Variants in KCNMA1 observed in about 807,000 individuals in gnomAD.
The protein encoded by KCNMA1 is potassium calcium-activated channel subfamily M alpha 1.
Under a neutral mutation model 140.0 loss-of-function variants are expected in KCNMA1, and 29 were observed. The ratio of observed to expected loss-of-function variants is 0.21; its 90% confidence interval spans 0.15 to 0.28. The LOEUF is 0.28. KCNMA1 is among the 10% of genes least tolerant of loss of function. The pLI is 1.00. For synonymous variants in KCNMA1, 612 were observed against 611.9 expected, an observed-to-expected ratio of 1.00 and a Z score of 0.00; for missense variants, 880 against 1,602.2, an observed-to-expected ratio of 0.55 and a Z score of 7.70.
At chr10:77,286,169 T>G (rs1300317876) in intron 2 of KCNMA1, among the ~76,000 whole-genome samples, 1 of 152,194 alleles carries the variant, frequency 6.6e-6, no homozygotes, top group Non-Finnish European at 1.5e-5. Flanking sequence ...AAATTGAACT[T>G]TATTTCACTA....
chr10:77,464,419 A>G (rs992786841), intron 1 of KCNMA1, among the ~76,000 whole-genome samples: 1 of 152,048 alleles, frequency 6.6e-6, no homozygotes, highest in Non-Finnish European at 1.5e-5. Context: ...CAGGAAGAAG[A>G]CTTCTTAATG....
At chr10:77,393,294 C>T (rs1208501261) in intron 2 of KCNMA1, among the ~76,000 whole-genome samples, 1 of 152,024 alleles carries the variant, frequency 6.6e-6, no homozygotes, top group East Asian at 1.9e-4. Context: ...CTACCCCTGC[C>T]CCAGAAAAGG....
rs535114719 is a variant in KCNMA1 at position 77,012,327 on chromosome 10, C to T, written c.2016-284G>A. ...ATGTGACACACTGTGTCTGCTCATT[C>T]GTCTTTCATTTTTGAGAACAGCCTT... On this transcript the variant is annotated intron_variant, in intron 17 of 27. Transcript: ENST00000286628. 16 of 1,465,186 alleles carry T rather than the reference C, an allele frequency of 1.1e-5. No individual in the cohort carries two copies. The East Asian group carries it at 1.7e-4, about 16-fold the overall frequency. The allele number at this position is 1,465,186 out of a possible 1,614,324, so 90.8% of individuals were successfully genotyped here. A position where few individuals can be genotyped will look rare whatever the true frequency, so the allele number is the denominator to read the frequency against.
chr10:77,488,822 C>T (rs921718155), intron 1 of KCNMA1, among the ~76,000 whole-genome samples: 11 of 152,228 alleles, frequency 7.2e-5, no homozygotes, highest in African/African-American at 2.7e-4. Context: ...GTTGCCACAA[C>T]TTCTCCAGAC....
chr10:77,549,068 A>G (rs1228075033), intron 1 of KCNMA1, among the ~76,000 whole-genome samples: 1 of 152,252 alleles, frequency 6.6e-6, no homozygotes, highest in African/African-American at 2.4e-5. Flanking sequence ...CCTGCTGGGA[A>G]CACATCACTG....
At chr10:77,176,521 C>G (rs2098752734) in intron 5 of KCNMA1, among the ~76,000 whole-genome samples, 1 of 152,076 alleles carries the variant, frequency 6.6e-6, no homozygotes, top group Non-Finnish European at 1.5e-5. Context: ...TTCAATAAGG[C>G]TCTCCCCAAC....
intron 6 of KCNMA1, among the ~76,000 whole-genome samples, chr10:77,119,181 C>T (rs1343149432): frequency 6.6e-6 from 1 of 152,170 alleles, no homozygotes; most frequent in African/African-American, 2.4e-5. Context: ...CACCAGGGAT[C>T]CCACAGCCAC....
At chr10:77,170,798 T>C (rs1162603924) in intron 5 of KCNMA1, among the ~76,000 whole-genome samples, 1 of 152,222 alleles carries the variant, frequency 6.6e-6, no homozygotes, top group Admixed American at 6.5e-5. Context: ...TGCTCATTCT[T>C]ACTAGTAACC....
chr10:77,550,923 G>A (rs1603635405), intron 1 of KCNMA1, among the ~76,000 whole-genome samples: 1 of 152,122 alleles, frequency 6.6e-6, no homozygotes, highest in Non-Finnish European at 1.5e-5. Context: ...TTGGAGTCAG[G>A]GGCATACAAA....
chr10:77,504,470 C>T (rs2045096356), intron 1 of KCNMA1, among the ~76,000 whole-genome samples: 1 of 152,138 alleles, frequency 6.6e-6, no homozygotes, highest in African/African-American at 2.4e-5. Context: ...CCCATGACAG[C>T]CCTGAAGGCA....
chr10:77,461,849 T>C (rs919165301), intron 1 of KCNMA1, among the ~76,000 whole-genome samples: 17 of 152,170 alleles, frequency 1.1e-4, no homozygotes, highest in African/African-American at 3.6e-4. Flanking sequence ...CTCACAGATC[T>C]TCCCCAGGGG....
At chr10:76,916,142 T>C (rs1246755522) in intron 23 of KCNMA1, among the ~76,000 whole-genome samples, 3 of 152,218 alleles carry the variant, frequency 2.0e-5, no homozygotes, top group Non-Finnish European at 4.4e-5. Flanking sequence ...GGAGTTTACT[T>C]GCATCTAAAT....
chr10:77,314,960 ACACACACG>A (rs1388982151), intron 2 of KCNMA1, among the ~76,000 whole-genome samples: 4 of 126,820 alleles, frequency 3.2e-5, no homozygotes, highest in Non-Finnish European at 7.0e-5. Flanking sequence ...ACACACACAC[ACACACACG>A]AAGCAATGTT....
chr10:77,636,783 G>C, intron 1 of KCNMA1: 1 of 1,456,516 alleles, frequency 6.9e-7, no homozygotes, highest in Non-Finnish European at 9.0e-7. Flanking sequence ...CCTTCTTTCT[G>C]ACCCCACGAA....
intron 1 of KCNMA1, among the ~76,000 whole-genome samples, chr10:77,528,550 A>T (rs2056601047): frequency 6.6e-6 from 1 of 151,388 alleles, no homozygotes. Context: ...CAGAGGTTGC[A>T]GTGAGCTGAG....
intron 2 of KCNMA1, among the ~76,000 whole-genome samples, chr10:77,401,322 A>AT (rs1401606253): frequency 1.3e-5 from 2 of 151,872 alleles, no homozygotes; most frequent in Non-Finnish European, 2.9e-5. Flanking sequence ...ACACTGGCTA[A>AT]TTTTTTGTAT....
intron 1 of KCNMA1, among the ~76,000 whole-genome samples, chr10:77,608,121 T>A (rs2085228365): frequency 6.6e-6 from 1 of 152,146 alleles, no homozygotes; most frequent in Non-Finnish European, 1.5e-5. Flanking sequence ...ACACCATTCC[T>A]CTGCACGTCC....
At chr10:77,422,429 G>C (rs540966470) in intron 1 of KCNMA1, among the ~76,000 whole-genome samples, 2 of 152,168 alleles carry the variant, frequency 1.3e-5, no homozygotes, top group African/African-American at 2.4e-5. Flanking sequence ...TCAAGGCTTC[G>C]GTCCTCTAGC....
chr10:77,145,980 G>A (rs1436091), intron 5 of KCNMA1, among the ~76,000 whole-genome samples: 132,434 of 152,222 alleles, frequency 0.87, 57,623 homozygotes, highest in East Asian at 0.92. Flanking sequence ...TATCTATAAC[G>A]GTTAAAATTG....
Sources: allele counts gnomAD v4.1 joint callset (sites outside exome capture counted in the v4.1 genomes callset), GRCh38; gene constraint gnomAD v4.1.1; transcripts MANE v1.5; gene names NCBI Gene and HGNC (gene_info 2026-07-23, HGNC 2026-07-21).